ASXL3: variants seen among roughly 807,000 people sequenced by gnomAD.
ASXL3 encodes ASXL transcriptional regulator 3.
Under a neutral mutation model 170.6 loss-of-function variants are expected in ASXL3, and 34 were observed. The observed-to-expected ratio is 0.20, with a 90% CI of 0.15 to 0.27. The LOEUF (loss-of-function observed/expected upper bound fraction) is 0.27. Among genes scored for constraint, ASXL3 ranks in the 10% least tolerant of loss-of-function variants. ASXL3 has a pLI of 1.00. For synonymous variants in ASXL3, 1,002 were observed against 989.1 expected (o/e 1.01, Z -0.24); for missense variants, 2,592 against 2,695.3 (o/e 0.96, Z 0.85).
chr18:33,671,946 CA>C (rs2066350796), intron 7 of ASXL3, 80 bp downstream of exon 7: 3 of 1,327,756 alleles, frequency 2.3e-6, no homozygotes, highest in East Asian at 2.6e-5. Context: ...ATTTTCAGAA[CA>C]TTTTTTAATG....
chr18:33,713,250 T>TG lies in ASXL3; in HGVS notation c.880-18718_880-18717insG, dbSNP rs2067104638. Among the ~76,000 whole-genome samples, 2 of 83,818 alleles carry TG rather than the reference T, an allele frequency of 2.4e-5. 1 individual carries two copies. The highest frequency in any genetic ancestry group is 1.1e-4 in the African/African-American group (2 of 18,498). The allele number at this position is 83,818 out of a possible 152,430, so 55.0% of individuals were successfully genotyped here. A position where few individuals can be genotyped will look rare whatever the true frequency, so the allele number is the denominator to read the frequency against. ...GAAGGTTTTTTTTGTTTTGTTTTGT[T>TG]TTTTTTTTTTTTTTTTTTTTTTTTG... is the stretch of plus-strand genomic sequence containing the variant. On this transcript the variant is annotated intron_variant, in intron 8 of 11. Transcript: ENST00000269197.
At chr18:33,734,236 A>T in intron 9 of ASXL3, 74 bp from the exon 10 acceptor site, 1 of 985,382 alleles carries the variant, frequency 1.0e-6, no homozygotes, top group Admixed American at 3.0e-5. Flanking sequence ...TACTCAAATG[A>T]ATTACATGTT....
At chr18:33,732,156 C>A in intron 9 of ASXL3, 92 bp downstream of exon 9, 1 of 898,520 alleles carries the variant, frequency 1.1e-6, no homozygotes, top group Non-Finnish European at 1.6e-6. Flanking sequence ...GTCTTTTCCC[C>A]GACACAGTAC....
At chr18:33,612,356 T>C (rs2065348804) in intron 2 of ASXL3, among the ~76,000 whole-genome samples, 1 of 152,092 alleles carries the variant, frequency 6.6e-6, no homozygotes, top group African/African-American at 2.4e-5. Context: ...ACTATAAATA[T>C]ATATTCCAGT....
At chr18:33,644,485 T>G (rs1338223618) in intron 2 of ASXL3, among the ~76,000 whole-genome samples, 2 of 151,510 alleles carry the variant, frequency 1.3e-5, no homozygotes, top group Admixed American at 1.3e-4. Context: ...TTTGTTTTTT[T>G]TTTTTTGATC....
At chr18:33,653,500 T>C (rs549780953) in intron 4 of ASXL3, among the ~76,000 whole-genome samples, 1 of 152,210 alleles carries the variant, frequency 6.6e-6, no homozygotes, top group East Asian at 1.9e-4. Flanking sequence ...TAGTTACACA[T>C]TGAAGAAAAC....
intron 2 of ASXL3, among the ~76,000 whole-genome samples, chr18:33,628,910 A>T (rs1022176401): frequency 4.6e-5 from 7 of 152,096 alleles, no homozygotes; most frequent in Non-Finnish European, 8.8e-5. Context: ...TCATACTAGC[A>T]GTTTTCATTT....
intron 7 of ASXL3, among the ~76,000 whole-genome samples, chr18:33,679,344 A>G (rs1463119090): frequency 1.3e-5 from 2 of 152,142 alleles, no homozygotes; most frequent in African/African-American, 2.4e-5. Context: ...TACAGATGCT[A>G]GTAGAACAGA....
intron 7 of ASXL3, among the ~76,000 whole-genome samples, chr18:33,679,729 A>T (rs1266669574): frequency 6.6e-6 from 1 of 152,026 alleles, no homozygotes; most frequent in African/African-American, 2.4e-5. Flanking sequence ...TTCTCTTTTC[A>T]GGTTAAATTT....
Position 33,739,945 on chromosome 18 carries a change from C to G in ASXL3, c.2541C>G (p.Pro847=). Residue 847 remains proline, a synonymous_variant, in exon 11 of 12, where the codon CCC becomes CCG. Transcript: ENST00000269197. Reference sequence around the variant, plus strand: ...AATCACATGTTGACACTGAGAAGCCCTACCCTGCTTCAATTCCAGAACTTG... The same window carrying G: ...AATCACATGTTGACACTGAGAAGCCGTACCCTGCTTCAATTCCAGAACTTG... ...TCKSHVDTEK[P]YPASIPELAS... The G allele has an allele frequency of 6.2e-7, 1 of 1,613,914 alleles. No homozygotes were observed. The highest frequency in any genetic ancestry group is 1.1e-5 in the South Asian group (1 of 91,076).
intron 8 of ASXL3, among the ~76,000 whole-genome samples, chr18:33,714,596 G>C (rs547064062): frequency 6.6e-6 from 1 of 152,058 alleles, no homozygotes; most frequent in East Asian, 1.9e-4. Flanking sequence ...TATTGCTCTC[G>C]TATTTCCCAT....
chr18:33,693,934 C>T (rs560346477), intron 8 of ASXL3, among the ~76,000 whole-genome samples: 5 of 152,100 alleles, frequency 3.3e-5, no homozygotes, highest in East Asian at 1.9e-4. Flanking sequence ...GCTGATTGAG[C>T]GGACAGGAAA....
intron 8 of ASXL3, among the ~76,000 whole-genome samples, chr18:33,716,808 G>A (rs921832624): frequency 2.0e-5 from 3 of 151,424 alleles, no homozygotes; most frequent in Admixed American, 6.6e-5. Flanking sequence ...CTTCAAGGTG[G>A]AAAATGTATA....
chr18:33,684,478 A>G (rs1462467041), intron 8 of ASXL3, among the ~76,000 whole-genome samples: 1 of 152,118 alleles, frequency 6.6e-6, no homozygotes, highest in East Asian at 1.9e-4. Flanking sequence ...TCTTTCATAC[A>G]TATTTAAATA....
chr18:33,665,459 C>T (rs956400537), intron 5 of ASXL3, among the ~76,000 whole-genome samples: 1 of 152,198 alleles, frequency 6.6e-6, no homozygotes, highest in Admixed American at 6.5e-5. Context: ...CCTGAAACAG[C>T]CCGCTGTTTT....
At chr18:33,618,273 G>A (rs529770987) in intron 2 of ASXL3, among the ~76,000 whole-genome samples, 5 of 152,106 alleles carry the variant, frequency 3.3e-5, no homozygotes, top group South Asian at 4.2e-4. Flanking sequence ...AACTCAGGTC[G>A]TTTTTCTATT....
intron 8 of ASXL3, among the ~76,000 whole-genome samples, chr18:33,690,937 C>T (rs75599720): frequency 6.6e-6 from 1 of 152,136 alleles, no homozygotes; most frequent in Non-Finnish European, 1.5e-5. Context: ...TAAAACTCCT[C>T]TCCAGGCCAC....
At position 33,745,879 on chromosome 18, in the gene ASXL3, A is replaced by C. The variant is rs1330647494; in HGVS notation, c.6031A>C (p.Asn2011His). ...EVGGTAHTMPNKALVHPPPPP... is the reference protein window; with the variant it reads ...EVGGTAHTMPHKALVHPPPPP... ...GGGAGGCACTGCACACACAATGCCA[A>C]ACAAAGCACTAGTACATCCGCCGCC... The change falls in exon 12 of 12, where the codon AAC becomes CAC. Residue 2011 changes from asparagine (N) to histidine (H), a missense_variant. Coordinates refer to ENST00000269197, the MANE Select transcript of ASXL3 (RefSeq NM_030632.3). 1 of 1,613,582 alleles carries C rather than the reference A, an allele frequency of 6.2e-7. No homozygotes were observed. Among genetic ancestry groups the C allele is most frequent in the Admixed American group, 1.7e-5 (1 of 60,000 alleles).
At chr18:33,583,438 A>G (rs2065009617) in intron 1 of ASXL3, among the ~76,000 whole-genome samples, 1 of 152,186 alleles carries the variant, frequency 6.6e-6, no homozygotes, top group Admixed American at 6.5e-5. Flanking sequence ...ACATAGCATC[A>G]TTTCTTTATA....
Sources: allele counts gnomAD v4.1 joint callset (sites outside exome capture counted in the v4.1 genomes callset), GRCh38; gene constraint gnomAD v4.1.1; transcripts MANE v1.5; gene names NCBI Gene and HGNC (gene_info 2026-07-23, HGNC 2026-07-21).